The following AMPD1 variants were observed in gnomAD, a reference collection of about 807,000 sequenced individuals.
AMPD1 encodes the protein AMP deaminase 1.
In AMPD1, 74 loss-of-function variants were observed where a neutral mutation model predicts 82.9. That is an observed-to-expected ratio of 0.89 (90% CI 0.74 to 1.08). The LOEUF is 1.08. Among genes scored for constraint, AMPD1 ranks in the 50% least tolerant of loss-of-function variants. AMPD1 has a pLI of 0.00. For missense variants in AMPD1, 881 were observed against 924.5 expected (o/e 0.95, Z 0.61); for synonymous variants, 333 against 320.5 (o/e 1.04, Z -0.42).
chr1:114,689,828 G>C (rs1025265671), intron 2 of AMPD1, among the ~76,000 whole-genome samples: 3 of 152,006 alleles, frequency 2.0e-5, no homozygotes, highest in Non-Finnish European at 4.4e-5. Context: ...AAAAAGAAAA[G>C]AAAACCAGTG....
Position 114,675,920 on chromosome 1 carries a change from A to G in AMPD1, c.1472T>C (p.Ile491Thr). 1 of 1,614,214 alleles carries G rather than the reference A, an allele frequency of 6.2e-7. No homozygotes were observed. The highest frequency in any genetic ancestry group is 1.3e-5 in the African/African-American group (1 of 75,068). The change falls in exon 11 of 16, where the codon ATC becomes ACC. Residue 491 changes from isoleucine to threonine, a missense_variant. Transcript: ENST00000520113. ...GAGTTCTGGGTCAGCCTGGGGGTTG[A>G]TGGTGGCCTCAAACACTGGCATGAA... Reference protein sequence around the residue: ...NIFMPVFEATINPQADPELSV... With the variant: ...NIFMPVFEATTNPQADPELSV...
At position 114,688,122 on chromosome 1, in the gene AMPD1, G is replaced by C. The variant is rs181194528; in HGVS notation, c.215+439C>G. On this transcript the variant is annotated intron_variant, in intron 3 of 15. Transcript: ENST00000520113. ...ACTCACTCTAGCATATACAGTGTTG[G>C]GGGGAAAAGGAATTTTTTTTTTTGA... Among the ~76,000 whole-genome samples, 95 of 152,056 alleles carry C rather than the reference G, an allele frequency of 6.2e-4. No homozygotes were observed. In the Middle Eastern group the frequency reaches 0.01, roughly 16 times the overall value.
intron 1 of AMPD1, among the ~76,000 whole-genome samples, chr1:114,693,968 G>A (rs1363531395): frequency 4.6e-5 from 7 of 152,158 alleles, no homozygotes; most frequent in Admixed American, 3.3e-4. Flanking sequence ...ATGGGAGGCC[G>A]AGGCTGGCAG....
At position 114,688,757 on chromosome 1, in the gene AMPD1, A is replaced by G. The variant is rs757062490; in HGVS notation, c.35-16T>C. The G allele has an allele frequency of 8.1e-6, 13 of 1,614,140 alleles. No homozygotes were observed. In the East Asian group the frequency reaches 2.7e-4, roughly 33 times the overall value. ...TCATCAATTTCTAAAAGAGGTTTTC[A>G]CATATTAGTGTTCAAGCCCCTTTTC... On this transcript the variant is annotated splice_polypyrimidine_tract_variant and intron_variant, in intron 2 of 15. Coordinates refer to ENST00000520113, the MANE Select transcript of AMPD1 (RefSeq NM_000036.3).
intron 4 of AMPD1, among the ~76,000 whole-genome samples, chr1:114,686,467 A>G (rs1216404947): frequency 6.6e-6 from 1 of 152,136 alleles, no homozygotes; most frequent in Non-Finnish European, 1.5e-5. Context: ...CTTTTTGCCA[A>G]AATCTGTCCA....
intron 8 of AMPD1, 98 bp from the exon 9 acceptor site, chr1:114,678,139 G>A (rs61179687): frequency 1.9e-6 from 3 of 1,539,038 alleles, no homozygotes; most frequent in East Asian, 2.3e-5. Context: ...CTGGTAGTGG[G>A]GGAGGGCATT....
rs775157688 is a variant in AMPD1, at chr1:114,688,675, C to T, written c.101G>A (p.Gly34Asp). Residue 34 changes from glycine to aspartate, a missense_variant, in exon 3 of 16, where the codon GGT becomes GAT. Gly to Asp is a moderately conservative substitution (Grantham distance 94, BLOSUM62 -1). Coordinates refer to ENST00000520113, the MANE Select transcript of AMPD1 (RefSeq NM_000036.3). ...ATCAAAGGGGGAAATCTCCTGACGACCTCCTTCATCTTTGACTTCAGAGGC... is the reference window on the plus strand; with the variant it reads ...ATCAAAGGGGGAAATCTCCTGACGATCTCCTTCATCTTTGACTTCAGAGGC... ...VFASEVKDEG[G>D]RQEISPFDVD... 1 of 1,614,200 alleles carries T rather than the reference C, an allele frequency of 6.2e-7. No individual in the cohort carries two copies. Among genetic ancestry groups the T allele is most frequent in the East Asian group, 2.2e-5 (1 of 44,888 alleles).
chr1:114,693,532 A>C (rs1658582976), intron 1 of AMPD1, 85 bp from the exon 2 acceptor site: 7 of 1,215,050 alleles, frequency 5.8e-6, no homozygotes, highest in Non-Finnish European at 8.6e-6. Flanking sequence ...TTTGGGGTAG[A>C]CACATGTAGA....
chr1:114,692,390 A>T (rs1215736468), intron 2 of AMPD1, among the ~76,000 whole-genome samples: 1 of 152,200 alleles, frequency 6.6e-6, no homozygotes, highest in African/African-American at 2.4e-5. Flanking sequence ...GTTTTATCTC[A>T]AATAGGTTTT....
chr1:114,686,194 C>CA (rs932231877), intron 4 of AMPD1, among the ~76,000 whole-genome samples: 5 of 152,066 alleles, frequency 3.3e-5, no homozygotes, highest in African/African-American at 1.2e-4. Flanking sequence ...TTCAGGTCGT[C>CA]AAAAAAACAA....
Position 114,673,306 on chromosome 1 carries a change from T to C in AMPD1, c.2086-34A>G, listed in dbSNP as rs1329746283. On this transcript the variant is annotated intron_variant, in intron 15 of 15. Coordinates refer to ENST00000520113, the MANE Select transcript of AMPD1 (RefSeq NM_000036.3). ...GAAAAGGATGGCAGAATGATTGTTG[T>C]CTCTTTTCACCCTGGTATAGACAAT... 4 of 1,611,390 alleles carry C rather than the reference T, an allele frequency of 2.5e-6. No individual in the cohort carries two copies. In the Admixed American group the frequency reaches 6.7e-5, roughly 27 times the overall value.
chr1:114,677,633 A>G, intron 9 of AMPD1, 119 bp from the exon 10 acceptor site: 1 of 1,387,680 alleles, frequency 7.2e-7, no homozygotes, highest in Non-Finnish European at 1.0e-6. Context: ...TAGGTCCTTA[A>G]TCAATCTCAA....
chr1:114,684,571 C>T, intron 4 of AMPD1: 1 of 614,396 alleles, frequency 1.6e-6, no homozygotes, highest in Non-Finnish European at 2.9e-6. Context: ...TTCTTTATTT[C>T]TACCAAACTT....
At position 114,678,506 on chromosome 1, in the gene AMPD1, C is replaced by T; in HGVS notation, c.919G>A (p.Ala307Thr). 6.2e-7 allele frequency: 1 copy of T among 1,614,054 alleles called. No individual in the cohort carries two copies. Among genetic ancestry groups the T allele is most frequent in the Non-Finnish European group, 8.5e-7 (1 of 1,179,954 alleles). ...CRKVDTHIHA[A>T]ACMNQKHLLR... ...AGATGTTTCTGGTTCATGCAAGCGG[C>T]TGCATGGATATGGGTGTCCACCTGT... is the stretch of plus-strand genomic sequence containing the variant. Residue 307 changes from alanine (A) to threonine (T), a missense_variant, in exon 8 of 16, where the codon GCC becomes ACC. Transcript: ENST00000520113.
chr1:114,690,069 A>G (rs562916927), intron 2 of AMPD1, among the ~76,000 whole-genome samples: 1 of 152,358 alleles, frequency 6.6e-6, no homozygotes. Context: ...AACTGTATGT[A>G]GAGAGAAAGA....
At chr1:114,695,189 A>G (rs1658639734) in intron 1 of AMPD1, among the ~76,000 whole-genome samples, 1 of 152,176 alleles carries the variant, frequency 6.6e-6, no homozygotes, top group South Asian at 2.1e-4. Context: ...ATAGATATTA[A>G]ATATTTCACA....
rs189060095 is a variant in AMPD1 at position 114,686,825 on chromosome 1, C to A, written c.301G>T (p.Glu101Ter). 1 of 1,614,102 alleles carries A rather than the reference C, an allele frequency of 6.2e-7. No individual in the cohort carries two copies. The highest frequency in any genetic ancestry group is 2.2e-5 in the East Asian group (1 of 44,878). ...TSSTKLSHID[E>*]YISSSPTYQT... is the part of the protein sequence containing the mutation. ...TAGGTTGGAGATGAGGAAATGTATT[C>A]ATCAATGTGGGACAGTTTGGTGGAA... Residue 101 changes from glutamate to a stop codon, truncating the protein, a stop_gained, in exon 4 of 16, where the codon GAA becomes TAA. Coordinates refer to ENST00000520113, the MANE Select transcript of AMPD1 (RefSeq NM_000036.3). LOFTEE classifies it high-confidence loss of function.
chr1:114,679,796 A>C, intron 6 of AMPD1, 88 bp from the exon 7 acceptor site: 1 of 1,467,594 alleles, frequency 6.8e-7, no homozygotes, highest in Middle Eastern at 1.9e-4. Flanking sequence ...GACCTTTATC[A>C]TTCATAGGAA....
At chr1:114,686,357 TC>T (rs1393385367) in intron 4 of AMPD1, among the ~76,000 whole-genome samples, 1 of 152,034 alleles carries the variant, frequency 6.6e-6, no homozygotes, top group East Asian at 1.9e-4. Flanking sequence ...TCTGCTTGGG[TC>T]CTTCTTTTCC....
Sources: gnomAD v4.1 joint callset for allele counts (sites outside exome capture counted in the v4.1 genomes callset) on GRCh38, gnomAD v4.1.1 for gene constraint, MANE v1.5 for transcripts, NCBI Gene and HGNC (gene_info 2026-07-23, HGNC 2026-07-21) for gene names.